Variants in DYNLT1 observed in about 807,000 individuals in gnomAD.
DYNLT1 encodes the protein dynein light chain Tctex-type 1.
Under a neutral mutation model 19.6 loss-of-function variants are expected in DYNLT1, and 18 were observed. The ratio of observed to expected loss-of-function variants is 0.92; its 90% CI spans 0.64 to 1.36. DYNLT1 has a LOEUF of 1.36. DYNLT1 is among the 40% of genes most tolerant of loss of function. The pLI, the probability that DYNLT1 is intolerant of heterozygous loss-of-function variation, is 0.00. For synonymous variants in DYNLT1, 56 were observed against 44.0 expected (o/e 1.27, Z -1.07); for missense variants, 137 against 139.3 (o/e 0.98, Z 0.08).
At chr6:158,637,663 GCCTT>G (rs1323883997) in intron 3 of DYNLT1, 104 bp downstream of exon 3, 27 of 1,566,064 alleles carry the variant, frequency 1.7e-5, no homozygotes, top group Non-Finnish European at 2.3e-5. Context: ...CCCACCAGGA[GCCTT>G]CCTTGAGTTG....
intron 2 of DYNLT1, among the ~76,000 whole-genome samples, chr6:158,638,340 G>A (rs1787066004): frequency 6.6e-6 from 1 of 152,226 alleles, no homozygotes; most frequent in African/African-American, 2.4e-5. Context: ...AGCATTGTCT[G>A]AGAACATGTT....
Position 158,636,779 on chromosome 6 carries a change from A to C in DYNLT1, c.*48T>G. ...CACTGAATTCATGGCTGGTGGTTAGAGGATGAACTAGAGACAAAAGGAGAA... is the reference window on the plus strand; with the variant it reads ...CACTGAATTCATGGCTGGTGGTTAGCGGATGAACTAGAGACAAAAGGAGAA... On this transcript the variant is annotated 3_prime_UTR_variant, in exon 5 of 5. Transcript: ENST00000367089. 6.4e-7 allele frequency: 1 copy of C among 1,555,834 alleles called. No individual in the cohort carries two copies. Among genetic ancestry groups the C allele is most frequent in the Non-Finnish European group, 8.8e-7 (1 of 1,141,726 alleles).
At chr6:158,639,383 G>C (rs143424536) in intron 2 of DYNLT1, among the ~76,000 whole-genome samples, 73 of 152,208 alleles carry the variant, frequency 4.8e-4, no homozygotes, top group Non-Finnish European at 8.8e-4. Context: ...CAAAGGGTAG[G>C]GGGGGCTTTG....
rs1469414661 is a variant in DYNLT1 at position 158,636,860 on chromosome 6, G to A, written c.309C>T (p.Tyr103=). ...ACAGTCCGAAGGCACTGACGATGCAGTACATGGTCTTATTCTCCCATCGCA... is the reference window on the plus strand; with the variant it reads ...ACAGTCCGAAGGCACTGACGATGCAATACATGGTCTTATTCTCCCATCGCA... ...CTVRWENKTM[Y]CIVSAFGLSI The change falls in exon 5 of 5, where the codon TAC becomes TAT. Residue 103 remains tyrosine (Y), a synonymous_variant. Transcript: ENST00000367089. 1.9e-6 allele frequency: 3 copies of A among 1,613,346 alleles called. No individual in the cohort carries two copies. The highest frequency in any genetic ancestry group is 2.5e-6 in the Non-Finnish European group (3 of 1,179,656).
At chr6:158,643,852 C>T (rs1053274008) in intron 1 of DYNLT1, among the ~76,000 whole-genome samples, 1 of 152,134 alleles carries the variant, frequency 6.6e-6, no homozygotes, top group Admixed American at 6.5e-5. Context: ...TGACAGGCTG[C>T]ATAATAAATC....
Position 158,644,677 on chromosome 6 carries a change from G to A in DYNLT1, c.27+5C>T, listed in dbSNP as rs752022206. ...CCACCCTTCCGTCGCCGACCCGGCG[G>A]TTACCTCCTCCGCAGCCTGGTAGTC... On this transcript the variant is annotated splice_donor_5th_base_variant and intron_variant, in intron 1 of 4. Transcript: ENST00000367089. 5 of 1,612,086 alleles carry A rather than the reference G, an allele frequency of 3.1e-6. No individual in the cohort carries two copies. The highest frequency in any genetic ancestry group is 3.4e-6 in the Non-Finnish European group (4 of 1,179,714).
At chr6:158,637,643 A>G (rs1196096610) in intron 3 of DYNLT1, 128 bp downstream of exon 3, 3 of 1,453,374 alleles carry the variant, frequency 2.1e-6, no homozygotes, top group Non-Finnish European at 9.6e-7. Flanking sequence ...TACTACACAC[A>G]CGACCGACTC....
chr6:158,637,957 A>G lies in DYNLT1; in HGVS notation c.70-63T>C, dbSNP rs1003007971. On this transcript the variant is annotated intron_variant, in intron 2 of 4. Transcript: ENST00000367089. Reference sequence around the variant, plus strand: ...AATGCACCCACACCACCTTTCAATCAGGAACTGACGGCACCCCAAGAAGTG... The same window carrying G: ...AATGCACCCACACCACCTTTCAATCGGGAACTGACGGCACCCCAAGAAGTG... 6 of 1,585,240 alleles carry G rather than the reference A, an allele frequency of 3.8e-6. No individual in the cohort carries two copies. The African/African-American group carries it at 8.1e-5, about 21-fold the overall frequency.
intron 3 of DYNLT1, 99 bp downstream of exon 3, chr6:158,637,672 G>C (rs762114478): frequency 6.3e-7 from 1 of 1,594,958 alleles, no homozygotes; most frequent in South Asian, 1.1e-5. Context: ...AGCCTTCCTT[G>C]AGTTGAGCCA....
chr6:158,643,102 T>C (rs1036629082), intron 1 of DYNLT1, among the ~76,000 whole-genome samples: 3 of 152,222 alleles, frequency 2.0e-5, no homozygotes, highest in African/African-American at 4.8e-5. Context: ...ACATATGCGA[T>C]TGAGATCTCG....
chr6:158,643,710 A>C (rs533798986), intron 1 of DYNLT1, among the ~76,000 whole-genome samples: 10 of 152,186 alleles, frequency 6.6e-5, no homozygotes, highest in Admixed American at 2.0e-4. Context: ...CGAACTCCTG[A>C]CCTCAGGTGA....
At chr6:158,640,269 G>C (rs1417938600) in intron 2 of DYNLT1, among the ~76,000 whole-genome samples, 1 of 152,196 alleles carries the variant, frequency 6.6e-6, no homozygotes, top group Non-Finnish European at 1.5e-5. Flanking sequence ...TTTGGATACT[G>C]ATCACAAACA....
At chr6:158,637,052 T>C in intron 4 of DYNLT1, 76 bp downstream of exon 4, 2 of 1,581,286 alleles carry the variant, frequency 1.3e-6, no homozygotes, top group South Asian at 1.1e-5. Flanking sequence ...TAAACATGCA[T>C]TGCATTCAAA....
At chr6:158,637,564 G>C (rs1787038358) in intron 3 of DYNLT1, 1 of 745,168 alleles carries the variant, frequency 1.3e-6, no homozygotes, top group Middle Eastern at 3.8e-4. Context: ...GGGACCTCCT[G>C]TAAGATCCCG....
intron 2 of DYNLT1, among the ~76,000 whole-genome samples, chr6:158,639,412 C>T (rs964058040): frequency 2.0e-4 from 30 of 152,056 alleles, no homozygotes; most frequent in African/African-American, 1.4e-4. Flanking sequence ...AAACCTCTCC[C>T]GTCAAAGGGT....
chr6:158,640,746 C>T (rs1031124011), intron 2 of DYNLT1, among the ~76,000 whole-genome samples: 1 of 152,196 alleles, frequency 6.6e-6, no homozygotes, highest in Non-Finnish European at 1.5e-5. Context: ...CTGACACCTT[C>T]CAGCAGGACT....
Position 158,637,206 on chromosome 6 carries a change from CTTAAG to C in DYNLT1, c.194-6_194-2del, listed in dbSNP as rs757955371. On this transcript the variant is annotated splice_acceptor_variant and splice_polypyrimidine_tract_variant and intron_variant, in intron 3 of 4. Transcript: ENST00000367089. LOFTEE classifies it high-confidence loss of function. ...TTCTTCTGCATAATTACACAGGTCA[CTTAAG>C]TTAAAACAAATTTTTGTTAGAGAAG... 6.0e-5 allele frequency: 96 copies of C among 1,613,034 alleles called. No individual in the cohort carries two copies. Among genetic ancestry groups the C allele is most frequent in the Non-Finnish European group, 7.7e-5 (91 of 1,179,676 alleles).
rs1425324189 is a variant in DYNLT1, at chr6:158,644,722, C to T, written c.-14G>A. The T allele has an allele frequency of 1.1e-5, 17 of 1,610,952 alleles. No homozygotes were observed. Among genetic ancestry groups the T allele is most frequent in the East Asian group, 2.2e-5 (1 of 44,838 alleles). On this transcript the variant is annotated 5_prime_UTR_variant, in exon 1 of 5. Transcript: ENST00000367089. ...GTAGTCTTCCATCTTTCCTCCGGCG[C>T]GTCCCCTCCGGCTCCCTGAGTGGCG... is the stretch of plus-strand genomic sequence containing the variant.
chr6:158,638,412 G>T (rs1787067008), intron 2 of DYNLT1, among the ~76,000 whole-genome samples: 2 of 152,134 alleles, frequency 1.3e-5, no homozygotes, highest in African/African-American at 4.8e-5. Flanking sequence ...CTTATTTTAG[G>T]TTTATGATGA....
Sources: allele counts gnomAD v4.1 joint callset (sites outside exome capture counted in the v4.1 genomes callset), GRCh38; gene constraint gnomAD v4.1.1; transcripts MANE v1.5; gene names NCBI Gene and HGNC (gene_info 2026-07-23, HGNC 2026-07-21).